The following TAB2 variants were observed in gnomAD, a reference collection of about 807,000 sequenced individuals.
TAB2 encodes TGF-beta-activated kinase 1 and MAP3K7-binding protein 2.
In TAB2, 3 loss-of-function variants were observed where a neutral mutation model predicts 65.0. The observed-to-expected ratio is 0.05, with a 90% CI of 0.02 to 0.12. The LOEUF is 0.12. Among genes scored for constraint, TAB2 ranks in the 10% least tolerant of loss-of-function variants. The pLI, the probability that TAB2 is intolerant of heterozygous loss-of-function variation, is 1.00. For missense variants in TAB2, 623 were observed against 840.3 expected (o/e 0.74, Z 3.20); for synonymous variants, 298 against 285.1 (o/e 1.05, Z -0.46).
At chr6:149,291,574 C>T (rs1778778102) in intron 1 of TAB2, 1 of 152,330 alleles carries the variant, frequency 6.6e-6, no homozygotes, top group South Asian at 2.1e-4. Context: ...AAAACTGTCA[C>T]ACCGGCCTGG....
In TAB2 at chr6:149,411,036, G is replaced by A. The variant is rs1391319342; in HGVS notation, c.*1317G>A. ...GCTGGAAAAAAAAACAAGCAAACTTGAACACTGAAGCAACCTCAAGCATCT... is the reference window on the plus strand; with the variant it reads ...GCTGGAAAAAAAAACAAGCAAACTTAAACACTGAAGCAACCTCAAGCATCT... On this transcript the variant is annotated 3_prime_UTR_variant, in exon 7 of 7. Transcript: ENST00000637181. 6.6e-6 allele frequency: 1 copy of A among 152,590 alleles called. No individual in the cohort carries two copies. Among genetic ancestry groups the A allele is most frequent in the Admixed American group, 6.6e-5 (1 of 15,266 alleles). The allele number at this position is 152,590 out of a possible 1,614,324, so 9.5% of individuals were successfully genotyped here.
intron 3 of TAB2, among the ~76,000 whole-genome samples, chr6:149,384,026 C>T (rs1301523401): frequency 6.6e-6 from 1 of 152,148 alleles, no homozygotes; most frequent in Admixed American, 6.5e-5. Flanking sequence ...CCTGAGTAAT[C>T]CTGATCTTTA....
intron 1 of TAB2, among the ~76,000 whole-genome samples, chr6:149,258,416 TACACACACAC>T (rs56710457): frequency 7.2e-4 from 105 of 146,306 alleles, no homozygotes; most frequent in Admixed American, 1.0e-3. Context: ...CATGACTGCC[TACACACACAC>T]ACACACACAC....
At chr6:149,275,685 TG>T (rs1235520411) in intron 1 of TAB2, among the ~76,000 whole-genome samples, 6 of 152,324 alleles carry the variant, frequency 3.9e-5, no homozygotes, top group Admixed American at 3.3e-4. Flanking sequence ...CTACCTCATC[TG>T]GGTGTTCAAA....
chr6:149,339,039 G>A lies in TAB2; in HGVS notation c.-90+21024G>A, dbSNP rs148251120. 6.7e-3 allele frequency among the ~76,000 whole-genome samples: 1,023 copies of A among 152,296 alleles called. 13 individuals are homozygous for A. The highest frequency in any genetic ancestry group is 0.022 in the African/African-American group (928 of 41,568). On this transcript the variant is annotated intron_variant, in intron 1 of 6. Coordinates refer to ENST00000637181, the MANE Select transcript of TAB2 (RefSeq NM_001292034.3). ...GGACTGGGTCAGGACATCAACTCAC[G>A]TGGGAAGCACAGATAGCGTAATTTT...
At chr6:149,390,443 A>G (rs759230627) in intron 3 of TAB2, among the ~76,000 whole-genome samples, 1 of 152,206 alleles carries the variant, frequency 6.6e-6, no homozygotes, top group Non-Finnish European at 1.5e-5. Context: ...CAGTAAGCAA[A>G]TTCTCGTGTT....
Position 149,398,032 on chromosome 6 carries a change from A to G in TAB2, c.1828A>G (p.Thr610Ala), listed in dbSNP as rs750616753. The change falls in exon 5 of 7, where the codon ACC becomes GCC. Residue 610 changes from threonine (T) to alanine (A), a missense_variant. Transcript: ENST00000637181. ...ACTCCAGATTGACATTGACTGCTTA[A>G]CCAAAGAAATTGATCTTTTTCAAGC... ...RQLQIDIDCL[T>A]KEIDLFQARG... 7.4e-6 allele frequency: 12 copies of G among 1,613,832 alleles called. No individual in the cohort carries two copies. In the Admixed American group the frequency reaches 2.0e-4, roughly 27 times the overall value.
chr6:149,275,234 G>GAGAGAGAAAGAAAGAA (rs1295920060), intron 1 of TAB2, among the ~76,000 whole-genome samples: 5 of 65,390 alleles, frequency 7.6e-5, no homozygotes, highest in South Asian at 5.1e-4. Flanking sequence ...GGGAGAGAGA[G>GAGAGAGAAAGAAAGAA]AGAAAGAAAG....
intron 1 of TAB2, among the ~76,000 whole-genome samples, chr6:149,311,088 G>A (rs753585871): frequency 1.1e-4 from 17 of 151,928 alleles, no homozygotes; most frequent in South Asian, 2.1e-4. Flanking sequence ...ATCTAATTAC[G>A]TTCCATCGTT....
intron 1 of TAB2, among the ~76,000 whole-genome samples, chr6:149,242,593 T>A (rs563762226): frequency 3.9e-5 from 6 of 152,278 alleles, no homozygotes; most frequent in African/African-American, 1.4e-4. Context: ...AAAATGGAAA[T>A]GCCCCAGAAT....
chr6:149,286,036 A>G (rs1158464826), intron 1 of TAB2, among the ~76,000 whole-genome samples: 1 of 152,234 alleles, frequency 6.6e-6, no homozygotes, highest in African/African-American at 2.4e-5. Flanking sequence ...AATATATTTT[A>G]TAAATTATTT....
At chr6:149,394,989 C>T (rs1371834849) in intron 3 of TAB2, among the ~76,000 whole-genome samples, 6 of 152,236 alleles carry the variant, frequency 3.9e-5, no homozygotes, top group African/African-American at 9.6e-5. Context: ...ACTTTAATGA[C>T]GAAACAGGCA....
chr6:149,396,688 A>G (rs147861656), intron 3 of TAB2, among the ~76,000 whole-genome samples: 1 of 152,360 alleles, frequency 6.6e-6, no homozygotes, highest in East Asian at 1.9e-4. Flanking sequence ...TGGTTTCCCA[A>G]GTAGTTCATG....
intron 1 of TAB2, among the ~76,000 whole-genome samples, chr6:149,359,205 T>C (rs1319924617): frequency 6.6e-6 from 1 of 152,200 alleles, no homozygotes; most frequent in Non-Finnish European, 1.5e-5. Flanking sequence ...CATGATGTTA[T>C]TTGTTTTTCA....
intron 1 of TAB2, among the ~76,000 whole-genome samples, chr6:149,234,478 T>C (rs1777459924): frequency 6.6e-6 from 1 of 152,104 alleles, no homozygotes; most frequent in East Asian, 1.9e-4. Context: ...CCATCTTGTA[T>C]GTATTAGGGT....
chr6:149,235,367 G>A (rs1307184115), intron 1 of TAB2, among the ~76,000 whole-genome samples: 3 of 152,206 alleles, frequency 2.0e-5, no homozygotes, highest in African/African-American at 7.2e-5. Context: ...ATTCTGTTGA[G>A]GAAGAGCAAT....
rs202028741 is a variant in TAB2 at position 149,254,059 on chromosome 6, GAGGAAGGAAGGAAGGAAGGAAGGAAGGA to G, written c.-121+35312_-121+35339del. On this transcript the variant is annotated intron_variant, in intron 1 of 1. Coordinates refer to the TAB2 transcript ENST00000606202. ...AGAGAGAAAGAAAGAGGGAGAGAGG[GAGGAAGGAAGGAAGGAAGGAAGGAAGGA>G]AGGAAGGAAGGAAGGAAGGAAGGAA... 8.3e-3 allele frequency among the ~76,000 whole-genome samples: 855 copies of G among 103,628 alleles called. 7 individuals carry two copies. Among genetic ancestry groups the G allele is most frequent in the African/African-American group, 0.016 (427 of 27,314 alleles). 68.0% of individuals were successfully genotyped at this position (103,628 alleles called of 152,430 possible). A position where few individuals can be genotyped will look rare whatever the true frequency, so the allele number is the denominator to read the frequency against.
At chr6:149,356,507 ATGTC>A (rs1309618457) in intron 1 of TAB2, among the ~76,000 whole-genome samples, 17 of 152,308 alleles carry the variant, frequency 1.1e-4, no homozygotes, top group Admixed American at 6.5e-4. Context: ...AGCAGACTGA[ATGTC>A]TGGTGAATTC....
chr6:149,280,863 C>T (rs1778559937), intron 1 of TAB2, among the ~76,000 whole-genome samples: 1 of 149,440 alleles, frequency 6.7e-6, no homozygotes, highest in African/African-American at 2.5e-5. Context: ...GCTCAGGAGA[C>T]CAAGGCTGCA....
Sources: gnomAD v4.1 joint callset for allele counts (sites outside exome capture counted in the v4.1 genomes callset) on GRCh38, gnomAD v4.1.1 for gene constraint, MANE v1.5 for transcripts, NCBI Gene and HGNC (gene_info 2026-07-23, HGNC 2026-07-21) for gene names.